Variants in TSHZ3 observed in about 807,000 individuals in gnomAD.
TSHZ3 encodes the protein teashirt homolog 3.
In TSHZ3, 10 loss-of-function variants were observed where a neutral mutation model predicts 64.5. The ratio of observed to expected loss-of-function variants is 0.16; its 90% CI spans 0.10 to 0.26. The LOEUF (loss-of-function observed/expected upper bound fraction) is 0.26, where lower values mean the gene tolerates loss of function less well. Ranked by LOEUF, TSHZ3 falls within the 10% of genes least tolerant of loss-of-function variation. The probability of loss-of-function intolerance (pLI) is 1.00; values close to 1 mark genes in which losing one functional copy is unlikely to be tolerated. For missense variants in TSHZ3, 1,242 were observed against 1,421.7 expected, an observed-to-expected ratio of 0.87 and a Z score of 2.03; for synonymous variants, 608 against 593.1, an observed-to-expected ratio of 1.03 and a Z score of -0.36.
intron 1 of TSHZ3, among the ~76,000 whole-genome samples, chr19:31,257,448 G>A (rs577136899): frequency 2.5e-4 from 38 of 152,192 alleles, no homozygotes; most frequent in Non-Finnish European, 4.1e-4. Context: ...GGGAAGGAGG[G>A]GCAAAAGCAG....
chr19:31,342,037 G>A (rs1450722274), intron 1 of TSHZ3, among the ~76,000 whole-genome samples: 2 of 152,196 alleles, frequency 1.3e-5, no homozygotes, highest in African/African-American at 2.4e-5. Context: ...CAGACTTGAT[G>A]AGAAGGCATT....
intron 5 of TSHZ3, among the ~76,000 whole-genome samples, chr19:31,190,135 G>A (rs116458919): frequency 5.3e-5 from 8 of 152,054 alleles, no homozygotes; most frequent in Non-Finnish European, 7.4e-5. Context: ...CTTTTAATTG[G>A]ATTAAAGTTT....
At chr19:31,339,424 G>C (rs1917360605) in intron 1 of TSHZ3, among the ~76,000 whole-genome samples, 1 of 151,908 alleles carries the variant, frequency 6.6e-6, no homozygotes, top group Non-Finnish European at 1.5e-5. Context: ...CCCCTGCCCA[G>C]CCTCTTTCCT....
intron 1 of TSHZ3, among the ~76,000 whole-genome samples, chr19:31,306,263 G>A (rs10411550): frequency 0.17 from 25,458 of 152,136 alleles, 3,801 homozygotes; most frequent in African/African-American, 0.4. Flanking sequence ...AGCTTCCTTC[G>A]GAGCGAGGAC....
downstream of TSHZ3, among the ~76,000 whole-genome samples, chr19:31,273,300 C>T (rs11882438): frequency 0.021 from 3,167 of 152,260 alleles, 107 homozygotes; most frequent in African/African-American, 0.072. Flanking sequence ...TGGACCCCCA[C>T]GTATATGAGC....
chr19:31,341,974 A>G (rs1223990542), intron 1 of TSHZ3, among the ~76,000 whole-genome samples: 1 of 152,236 alleles, frequency 6.6e-6, no homozygotes, highest in African/African-American at 2.4e-5. Context: ...CAATGAACAC[A>G]GCTCGAATAA....
At chr19:31,229,117 T>C (rs1333058450) in intron 3 of TSHZ3, among the ~76,000 whole-genome samples, 1 of 152,186 alleles carries the variant, frequency 6.6e-6, no homozygotes, top group Admixed American at 6.5e-5. Context: ...GACTAAACAT[T>C]GTAAGGGGGC....
intron 1 of TSHZ3, among the ~76,000 whole-genome samples, chr19:31,328,123 C>T (rs929087883): frequency 6.6e-6 from 1 of 152,214 alleles, no homozygotes; most frequent in Non-Finnish European, 1.5e-5. Context: ...TTAAGAAAAA[C>T]GTTGCTACAA....
intron 6 of TSHZ3, among the ~76,000 whole-genome samples, chr19:31,155,736 A>G (rs929526422): frequency 3.3e-5 from 5 of 152,174 alleles, no homozygotes; most frequent in South Asian, 2.1e-4. Flanking sequence ...TTTGACTTCT[A>G]TCTTGCCTTC....
intron 5 of TSHZ3, among the ~76,000 whole-genome samples, chr19:31,201,372 CAA>C (rs1256854154): frequency 3.3e-5 from 5 of 151,724 alleles, no homozygotes; most frequent in Admixed American, 3.3e-4. Context: ...CCATCAAAAT[CAA>C]AAAGAGAAAA....
At chr19:31,237,077 A>AG (rs11406622) in intron 3 of TSHZ3, among the ~76,000 whole-genome samples, 152,335 of 152,336 alleles carry the variant, frequency 1, 76,167 homozygotes, top group Non-Finnish European at 1. Flanking sequence ...TGAACCCGGG[A>AG]GCAGAGGCTG....
intron 5 of TSHZ3, among the ~76,000 whole-genome samples, chr19:31,159,027 T>A (rs1974339037): frequency 6.6e-6 from 1 of 152,206 alleles, no homozygotes. Flanking sequence ...TGAGACGGAC[T>A]CTGGCTTTGT....
At chr19:31,335,183 A>G (rs1039299889) in intron 1 of TSHZ3, among the ~76,000 whole-genome samples, 1 of 152,254 alleles carries the variant, frequency 6.6e-6, no homozygotes, top group African/African-American at 2.4e-5. Flanking sequence ...CAAATCTACC[A>G]TAAATGATTC....
intron 5 of TSHZ3, among the ~76,000 whole-genome samples, chr19:31,190,333 T>G (rs1974884107): frequency 2.0e-5 from 3 of 152,166 alleles, no homozygotes; most frequent in Admixed American, 6.5e-5. Flanking sequence ...GAATGTGAAC[T>G]GAATGACAAT....
At chr19:31,166,698 G>A (rs186831187) in intron 5 of TSHZ3, among the ~76,000 whole-genome samples, 71 of 152,270 alleles carry the variant, frequency 4.7e-4, no homozygotes, top group Non-Finnish European at 4.9e-4. Context: ...GGGATGAAAT[G>A]TCCATCTTCT....
chr19:31,207,330 AT>A (rs753399864), intron 4 of TSHZ3, among the ~76,000 whole-genome samples: 1 of 152,158 alleles, frequency 6.6e-6, no homozygotes, highest in African/African-American at 2.4e-5. Flanking sequence ...AATTTGAACA[AT>A]TTTTGAGCAA....
intron 1 of TSHZ3, among the ~76,000 whole-genome samples, chr19:31,293,030 A>AATCCATCCATCCATCC (rs1042589257): frequency 0.023 from 2,780 of 121,134 alleles, 48 homozygotes; most frequent in Non-Finnish European, 0.039. Flanking sequence ...TCCATCCAAA[A>AATCCATCCATCCATCC]ATCCATCCAT....
intron 1 of TSHZ3, among the ~76,000 whole-genome samples, chr19:31,332,400 T>C (rs1917122345): frequency 6.6e-6 from 1 of 152,168 alleles, no homozygotes; most frequent in African/African-American, 2.4e-5. Flanking sequence ...GGTGGGGCTC[T>C]GAAAGCTCAA....
chr19:31,279,731 T>G lies in TSHZ3; in HGVS notation c.62A>C (p.Lys21Thr). Reference protein sequence around the residue: ...RAAAYVSEELKAAALVDEGLD... With the variant: ...RAAAYVSEELTAAALVDEGLD... ...ACCTTCGTCCACCAGGGCAGCAGCC[T>G]TTAACTCTTCGGAAACATAGGCTGC... Residue 21 changes from lysine to threonine, a missense_variant, in exon 2 of 2, where the codon AAG becomes ACG. Coordinates refer to ENST00000240587, the MANE Select transcript of TSHZ3 (RefSeq NM_020856.4). This position sits in a 1 kb window ranked among gnomAD's most constrained non-coding sequence, Gnocchi z 6.4. The G allele has an allele frequency of 6.6e-7, 1 of 1,508,340 alleles. No homozygotes were observed. The highest frequency in any genetic ancestry group is 8.9e-7 in the Non-Finnish European group (1 of 1,128,266). 93.4% of individuals were successfully genotyped at this position (1,508,340 alleles called of 1,614,324 possible).
Sources: gnomAD v4.1 joint callset for allele counts (sites outside exome capture counted in the v4.1 genomes callset) on GRCh38, gnomAD v4.1.1 for gene constraint, Gnocchi (gnomAD v3.1) non-coding constraint, MANE v1.5 for transcripts, NCBI Gene and HGNC (gene_info 2026-07-23, HGNC 2026-07-21) for gene names.